Variants in DDX19B observed in about 807,000 individuals in gnomAD.
DDX19B encodes the protein DEAD-box helicase 19B.
A neutral mutation model predicts 58.1 loss-of-function variants in DDX19B; 27 were observed. That is an observed-to-expected ratio of 0.46 (90% CI 0.34 to 0.64). DDX19B has a LOEUF of 0.64. Among genes scored for constraint, DDX19B ranks in the 30% least tolerant of loss-of-function variants. The pLI is 0.01. For synonymous variants in DDX19B, 187 were observed against 214.4 expected (o/e 0.87, Z 1.12); for missense variants, 399 against 596.5 (o/e 0.67, Z 3.45).
chr16:70,326,981 CCCA>C (rs1199556694), intron 7 of DDX19B, among the ~76,000 whole-genome samples: 1 of 151,684 alleles, frequency 6.6e-6, no homozygotes, highest in Non-Finnish European at 1.5e-5. Context: ...ACTACAGGCG[CCCA>C]CCACTACGCC....
At chr16:70,323,977 C>T (rs146292808) in intron 5 of DDX19B, among the ~76,000 whole-genome samples, 163 of 152,128 alleles carry the variant, frequency 1.1e-3, no homozygotes, top group Middle Eastern at 3.4e-3. Context: ...AAGGCAGAAG[C>T]CCTAAGACAA....
chr16:70,293,464 A>C (rs959651435), upstream of DDX19B, among the ~76,000 whole-genome samples: 3 of 151,922 alleles, frequency 2.0e-5, no homozygotes, highest in Admixed American at 6.6e-5. Flanking sequence ...AAAAAAAAAA[A>C]AACTAACATA....
intron 10 of DDX19B, among the ~76,000 whole-genome samples, chr16:70,332,242 C>T (rs1035150183): frequency 1.5e-4 from 23 of 152,180 alleles, no homozygotes; most frequent in African/African-American, 5.6e-4. Context: ...CCAGGTTCTG[C>T]TGTATGCCTG....
chr16:70,327,309 T>C (rs1320274882), intron 7 of DDX19B, among the ~76,000 whole-genome samples: 2 of 151,314 alleles, frequency 1.3e-5, no homozygotes, highest in African/African-American at 4.9e-5. Context: ...CCGAGGTGGG[T>C]GGATCACGAG....
intron 5 of DDX19B, among the ~76,000 whole-genome samples, chr16:70,321,735 A>C (rs966324932): frequency 6.6e-6 from 1 of 152,174 alleles, no homozygotes; most frequent in African/African-American, 2.4e-5. Context: ...TTTTTACTTC[A>C]AATAAAAATA....
At chr16:70,309,387 C>T (rs2152191533) in intron 1 of DDX19B, among the ~76,000 whole-genome samples, 1 of 151,958 alleles carries the variant, frequency 6.6e-6, no homozygotes, top group African/African-American at 2.4e-5. Context: ...CCCAGCTACT[C>T]CGGAGGCTGA....
chr16:70,327,135 CCTT>C (rs1963201128), intron 7 of DDX19B, among the ~76,000 whole-genome samples: 1 of 151,760 alleles, frequency 6.6e-6, no homozygotes, highest in African/African-American at 2.4e-5. Context: ...CGCCTGGCCG[CCTT>C]CTTTTTTTTA....
chr16:70,321,072 C>T (rs572057268), intron 5 of DDX19B, among the ~76,000 whole-genome samples: 1 of 151,162 alleles, frequency 6.6e-6, no homozygotes, highest in Admixed American at 6.6e-5. Context: ...AAGCGATTCT[C>T]CTGCCTCCAC....
In DDX19B at chr16:70,299,771, C is replaced by G. The variant is rs369042494; in HGVS notation, c.57+417C>G. Among the ~76,000 whole-genome samples, 77 of 152,224 alleles carry G rather than the reference C, an allele frequency of 5.1e-4. No individual in the cohort carries two copies. The South Asian group carries it at 8.9e-3, about 18-fold the overall frequency. On this transcript the variant is annotated intron_variant, in intron 1 of 11. Coordinates refer to ENST00000288071, the MANE Select transcript of DDX19B (RefSeq NM_007242.7). The stretch of plus-strand genomic sequence containing the variant: ...GCTGAGCCATTGTTCCTGGCCGCCC[C>G]GGTTTGTAATAGTTATTTTAGGTGT...
At chr16:70,310,813 G>A (rs1369838536) in intron 1 of DDX19B, among the ~76,000 whole-genome samples, 11 of 151,888 alleles carry the variant, frequency 7.2e-5, no homozygotes, top group South Asian at 2.1e-4. Flanking sequence ...GGGAGATCAC[G>A]AGGTCAGGAG....
intron 7 of DDX19B, 77 bp from the exon 8 acceptor site, chr16:70,329,213 ACT>A (rs1359555734): frequency 2.0e-6 from 3 of 1,514,470 alleles, no homozygotes; most frequent in Non-Finnish European, 2.7e-6. Flanking sequence ...ACAGAGTGAG[ACT>A]CTGTCTCAAA....
At chr16:70,295,201 A>T, upstream of DDX19B, 1 of 634,264 alleles carries the variant, frequency 1.6e-6, no homozygotes, top group South Asian at 7.0e-5. Flanking sequence ...TTTGGAAACC[A>T]GGTTCCTTCT....
At chr16:70,311,263 TC>T (rs1408243552) in intron 1 of DDX19B, among the ~76,000 whole-genome samples, 2 of 146,312 alleles carry the variant, frequency 1.4e-5, no homozygotes, top group Admixed American at 1.4e-4. Flanking sequence ...GCCTGTAGTC[TC>T]AGCTGCTCGG....
intron 5 of DDX19B, among the ~76,000 whole-genome samples, chr16:70,322,050 T>A (rs1476552400): frequency 6.7e-6 from 1 of 149,550 alleles, no homozygotes; most frequent in Non-Finnish European, 1.5e-5. Context: ...AAAAAAAAAT[T>A]AATAATAAAT....
chr16:70,327,134 G>A (rs1480070779), intron 7 of DDX19B, among the ~76,000 whole-genome samples: 1 of 151,508 alleles, frequency 6.6e-6, no homozygotes, highest in African/African-American at 2.4e-5. Flanking sequence ...GCGCCTGGCC[G>A]CCTTCTTTTT....
chr16:70,306,759 G>A (rs1484450792), intron 1 of DDX19B, among the ~76,000 whole-genome samples: 1 of 152,152 alleles, frequency 6.6e-6, no homozygotes, highest in African/African-American at 2.4e-5. Context: ...AGATTAAAGT[G>A]TACAGTTCAC....
upstream of DDX19B, among the ~76,000 whole-genome samples, chr16:70,292,282 A>G (rs1961076528): frequency 6.7e-6 from 1 of 148,886 alleles, no homozygotes; most frequent in African/African-American, 2.6e-5. Context: ...CTGAGATTAC[A>G]GGCGCCACCA....
chr16:70,322,763 G>A (rs1962910737), intron 5 of DDX19B, among the ~76,000 whole-genome samples: 1 of 151,814 alleles, frequency 6.6e-6, no homozygotes, highest in African/African-American at 2.4e-5. Flanking sequence ...GTGGTGGCAG[G>A]CATCTGTAAT....
intron 7 of DDX19B, among the ~76,000 whole-genome samples, chr16:70,327,988 C>T (rs1216581009): frequency 2.0e-5 from 3 of 152,016 alleles, no homozygotes; most frequent in African/African-American, 7.2e-5. Flanking sequence ...CCAGTCTCTA[C>T]TAAAAATACA....
Sources: gnomAD v4.1 joint callset for allele counts (sites outside exome capture counted in the v4.1 genomes callset) on GRCh38, gnomAD v4.1.1 for gene constraint, MANE v1.5 for transcripts, NCBI Gene and HGNC (gene_info 2026-07-23, HGNC 2026-07-21) for gene names.